The following OSBPL10 variants were observed in gnomAD, a reference collection of about 807,000 sequenced individuals.
OSBPL10 encodes the protein oxysterol binding protein like 10.
A neutral mutation model predicts 81.7 loss-of-function variants in OSBPL10; 49 were observed. The ratio of observed to expected loss-of-function variants is 0.60; its 90% CI spans 0.48 to 0.76. The LOEUF (loss-of-function observed/expected upper bound fraction) is 0.76. Among genes scored for constraint, OSBPL10 ranks in the 30% least tolerant of loss-of-function variants. OSBPL10 has a pLI of 0.00. For synonymous variants in OSBPL10, 419 were observed against 383.6 expected (o/e 1.09, Z -1.08); for missense variants, 923 against 987.8 (o/e 0.93, Z 0.88).
In OSBPL10 at chr3:32,066,250, A is replaced by C. The variant is rs1699780208; in HGVS notation, n.185+11146T>G. 2.2e-5 allele frequency among the ~76,000 whole-genome samples: 2 copies of C among 91,438 alleles called. 1 individual carries two copies. The highest frequency in any genetic ancestry group is 5.9e-5 in the Non-Finnish European group (2 of 34,038). 60.0% of individuals were successfully genotyped at this position (91,438 alleles called of 152,430 possible). A position where few individuals can be genotyped will look rare whatever the true frequency, so the allele number is the denominator to read the frequency against. On this transcript the variant is annotated intron_variant and non_coding_transcript_variant, in intron 1 of 3. Transcript: ENST00000479173. Reference sequence around the variant, plus strand: ...CCACCCTTGCAATCTGACCACCCTCACTATATTATCACCCTAGCCTGCCTT... The same window carrying C: ...CCACCCTTGCAATCTGACCACCCTCCCTATATTATCACCCTAGCCTGCCTT...
At chr3:31,939,572 G>A (rs939938233) in intron 1 of OSBPL10, among the ~76,000 whole-genome samples, 2 of 151,820 alleles carry the variant, frequency 1.3e-5, no homozygotes, top group African/African-American at 2.4e-5. Flanking sequence ...AGTGAATCTG[G>A]CTTCCTTCCC....
At chr3:31,908,418 A>G (rs1176207781) in intron 1 of OSBPL10, among the ~76,000 whole-genome samples, 10 of 152,226 alleles carry the variant, frequency 6.6e-5, no homozygotes, top group Admixed American at 5.9e-4. Flanking sequence ...GATTGGTCAC[A>G]TGGAAAAGTT....
rs1307121090 is a variant in OSBPL10 at position 32,066,001 on chromosome 3, AAGAAAGAGAAAGAAAGAAAGAAAGAG to A, written n.185+11369_185+11394del. Among the ~76,000 whole-genome samples the A allele has an allele frequency of 1.8e-3, 105 of 58,142 alleles. 26 individuals are homozygous for A. The East Asian group carries it at 0.077, about 42-fold the overall frequency. 38.1% of individuals were successfully genotyped at this position (58,142 alleles called of 152,430 possible). A position where few individuals can be genotyped will look rare whatever the true frequency, so the allele number is the denominator to read the frequency against. The stretch of plus-strand genomic sequence containing the variant: ...AAAGAAAGAAAGAAAGAAAGAAAGA[AAGAAAGAGAAAGAAAGAAAGAAAGAG>A]AGAGAGAGAGAAAGAGAAAGAGAAG... On this transcript the variant is annotated intron_variant and non_coding_transcript_variant, in intron 1 of 3. Transcript: ENST00000479173.
intron 3 of OSBPL10, among the ~76,000 whole-genome samples, chr3:31,855,681 T>C (rs1175309283): frequency 6.6e-6 from 1 of 152,222 alleles, no homozygotes; most frequent in Non-Finnish European, 1.5e-5. Context: ...CAGTGTTTGT[T>C]GAATGCTACT....
At position 31,689,457 on chromosome 3, in the gene OSBPL10, G is replaced by A. The variant is rs192385068; in HGVS notation, c.1246-5343C>T. 1.6e-4 allele frequency among the ~76,000 whole-genome samples: 24 copies of A among 152,258 alleles called. No homozygotes were observed. In the East Asian group the frequency reaches 4.1e-3, roughly 26 times the overall value. On this transcript the variant is annotated intron_variant, in intron 7 of 11. Transcript: ENST00000396556. ...TATTCTTAGAAGACACTCACCAAAG[G>A]GGTAGGAAAGAACTGTCATGATGTC...
chr3:31,664,411 T>G, intron 10 of OSBPL10, 179 bp from the exon 11 acceptor site: 1 of 621,736 alleles, frequency 1.6e-6, no homozygotes, highest in Non-Finnish European at 2.8e-6. Context: ...GCTACCCAGC[T>G]CCACCTCTGT....
At chr3:31,860,847 G>GT (rs771802643) in intron 3 of OSBPL10, among the ~76,000 whole-genome samples, 5 of 140,138 alleles carry the variant, frequency 3.6e-5, no homozygotes, top group Admixed American at 6.8e-5. Flanking sequence ...TTTTTGTGGG[G>GT]TTTTTTGGGG....
At chr3:31,663,172 G>C (rs1411368739) in intron 11 of OSBPL10, 2 of 985,322 alleles carry the variant, frequency 2.0e-6, no homozygotes, top group African/African-American at 1.7e-5. Context: ...CAGCACCTGG[G>C]CTAAGGAAAG....
At chr3:31,795,513 C>T (rs1699182459) in intron 4 of OSBPL10, 1 of 185,746 alleles carries the variant, frequency 5.4e-6, no homozygotes, top group East Asian at 1.8e-4. Flanking sequence ...AAGGATGTTA[C>T]GTGTGCAGTG....
chr3:31,997,510 G>T (rs774820748), intron 2 of OSBPL10, among the ~76,000 whole-genome samples: 40 of 151,926 alleles, frequency 2.6e-4, no homozygotes, highest in Admixed American at 1.9e-3. Flanking sequence ...TGATCTGCCC[G>T]CTTCAGCCTC....
At chr3:31,867,377 A>G (rs747689536) in intron 3 of OSBPL10, among the ~76,000 whole-genome samples, 2 of 152,136 alleles carry the variant, frequency 1.3e-5, no homozygotes, top group Non-Finnish European at 2.9e-5. Flanking sequence ...TGCTTTCCAT[A>G]CTGTTAGATG....
chr3:31,678,952 T>C (rs1322677922), intron 8 of OSBPL10, among the ~76,000 whole-genome samples: 1 of 152,080 alleles, frequency 6.6e-6, no homozygotes, highest in Non-Finnish European at 1.5e-5. Flanking sequence ...GCTAAAATCA[T>C]GTCTACCCTC....
At chr3:31,965,118 G>A (rs1310385582) in intron 1 of OSBPL10, among the ~76,000 whole-genome samples, 1 of 151,754 alleles carries the variant, frequency 6.6e-6, no homozygotes, top group Non-Finnish European at 1.5e-5. Context: ...AGGCGGCCGG[G>A]GCGCACTTTG....
chr3:31,820,424 G>GT (rs1246743510), intron 4 of OSBPL10, among the ~76,000 whole-genome samples: 2 of 151,918 alleles, frequency 1.3e-5, no homozygotes, highest in Non-Finnish European at 1.5e-5. Context: ...GTGAAACCCC[G>GT]TTTCTACTAA....
At position 32,062,935 on chromosome 3, in the gene OSBPL10, T is replaced by A. The variant is rs1163479705; in HGVS notation, n.185+14461A>T. ...TAGAAAGTCTTCCTTTTTCCACTAC[T>A]TCTTACTTTTAATGTACTGCCCGAG... On this transcript the variant is annotated intron_variant and non_coding_transcript_variant, in intron 1 of 3. Transcript: ENST00000479173. Among the ~76,000 whole-genome samples the A allele has an allele frequency of 2.1e-5, 2 of 94,592 alleles. 1 individual carries two copies. The highest frequency in any genetic ancestry group is 4.9e-4 in the East Asian group (2 of 4,108). The allele number at this position is 94,592 out of a possible 152,430, so 62.1% of individuals were successfully genotyped here.
chr3:31,908,225 G>T (rs1332778072), intron 1 of OSBPL10, among the ~76,000 whole-genome samples: 1 of 152,126 alleles, frequency 6.6e-6, no homozygotes, highest in Non-Finnish European at 1.5e-5. Flanking sequence ...AACCTTGCAG[G>T]CATGATAGGG....
intron 7 of OSBPL10, among the ~76,000 whole-genome samples, chr3:31,688,648 A>G (rs1257656380): frequency 1.3e-5 from 2 of 152,216 alleles, no homozygotes; most frequent in African/African-American, 4.8e-5. Context: ...ATATTTTTAA[A>G]TGCAGATTCT....
intron 2 of OSBPL10, among the ~76,000 whole-genome samples, chr3:32,037,192 C>T (rs944420678): frequency 2.6e-5 from 4 of 152,192 alleles, no homozygotes; most frequent in Admixed American, 1.3e-4. Context: ...ACAGGAACTG[C>T]GGGCTCACTG....
At chr3:31,679,521 TAAG>T (rs1700581658) in intron 8 of OSBPL10, among the ~76,000 whole-genome samples, 1 of 152,156 alleles carries the variant, frequency 6.6e-6, no homozygotes, top group Non-Finnish European at 1.5e-5. Context: ...CTGTTACCGA[TAAG>T]GAGGTAAACA....
Sources: allele counts gnomAD v4.1 joint callset (sites outside exome capture counted in the v4.1 genomes callset), GRCh38; gene constraint gnomAD v4.1.1; transcripts MANE v1.5; gene names NCBI Gene and HGNC (gene_info 2026-07-23, HGNC 2026-07-21).